PTPN13: variants seen among roughly 807,000 people sequenced by gnomAD.
The protein encoded by PTPN13 is tyrosine-protein phosphatase non-receptor type 13.
A neutral mutation model predicts 284.0 loss-of-function variants in PTPN13; 191 were observed. The observed-to-expected ratio is 0.67, with a 90% confidence interval of 0.60 to 0.76. PTPN13 has a LOEUF of 0.76. Ranked by LOEUF, PTPN13 falls within the 30% of genes least tolerant of loss-of-function variation. PTPN13 has a pLI of 0.00. For synonymous variants in PTPN13, 986 were observed against 1,022.3 expected (o/e 0.96, Z 0.68); for missense variants, 2,797 against 2,939.9 (o/e 0.95, Z 1.12).
intron 7 of PTPN13, among the ~76,000 whole-genome samples, chr4:86,704,754 C>T (rs2149023836): frequency 6.6e-6 from 1 of 152,236 alleles, no homozygotes; most frequent in South Asian, 2.1e-4. Context: ...TTTTCAAAAG[C>T]ATTTGCTCTC....
intron 1 of PTPN13, among the ~76,000 whole-genome samples, chr4:86,623,913 A>G (rs1314300791): frequency 6.6e-6 from 1 of 152,036 alleles, no homozygotes; most frequent in Non-Finnish European, 1.5e-5. Context: ...TATTCTAGTT[A>G]TTGTACTTAT....
chr4:86,693,427 G>T (rs901357102), intron 5 of PTPN13, among the ~76,000 whole-genome samples, 160 bp from the exon 6 acceptor site: 1 of 152,066 alleles, frequency 6.6e-6, no homozygotes, highest in African/African-American at 2.4e-5. Context: ...TCTTATCCAA[G>T]AATACAAATT....
chr4:86,793,689 G>A (rs753988096), intron 40 of PTPN13, among the ~76,000 whole-genome samples: 1 of 152,176 alleles, frequency 6.6e-6, no homozygotes, highest in Non-Finnish European at 1.5e-5. Flanking sequence ...TAGAACTCAG[G>A]ATTAATAAAC....
chr4:86,731,605 G>A (rs934585759), intron 10 of PTPN13, among the ~76,000 whole-genome samples: 1 of 152,148 alleles, frequency 6.6e-6, no homozygotes, highest in African/African-American at 2.4e-5. Flanking sequence ...CAAAGTAGAT[G>A]TCTTTTAACT....
At chr4:86,765,862 CTG>C (rs1739248505) in intron 26 of PTPN13, among the ~76,000 whole-genome samples, 1 of 151,672 alleles carries the variant, frequency 6.6e-6, no homozygotes, top group African/African-American at 2.4e-5. Context: ...GAGTCTCACT[CTG>C]TCACCCAGGC....
intron 21 of PTPN13, 134 bp from the exon 22 acceptor site, chr4:86,758,544 C>T: frequency 1.0e-6 from 1 of 954,956 alleles, no homozygotes; most frequent in Non-Finnish European, 1.6e-6. Flanking sequence ...GAAATACTTC[C>T]ACAAAATTTA....
At chr4:86,667,079 T>C (rs1323046018) in intron 2 of PTPN13, among the ~76,000 whole-genome samples, 2 of 152,210 alleles carry the variant, frequency 1.3e-5, no homozygotes, top group Non-Finnish European at 1.5e-5. Flanking sequence ...AGGACTTCCT[T>C]ACTCTCACTA....
In PTPN13 at chr4:86,805,305, T is replaced by C. The variant is rs1204794921; in HGVS notation, c.6681T>C (p.Asp2227=). The C allele has an allele frequency of 6.3e-7, 1 of 1,598,828 alleles. No individual in the cohort carries two copies. The highest frequency in any genetic ancestry group is 8.6e-7 in the Non-Finnish European group (1 of 1,169,224). Residue 2227 remains aspartate (D), a synonymous_variant, in exon 44 of 48, where the codon GAT becomes GAC. Transcript: ENST00000411767. ...LENLQELKPL[D]QCLIGQTKEN... ...ATCTTCAAGAATTAAAACCTTTGGA[T>C]CAGTGTCTAATTGGGCAAACTAAGG...
rs775010528 is a variant in PTPN13, at chr4:86,763,132, A to T, written c.3959A>T (p.Asp1320Val). 1 of 1,613,716 alleles carries T rather than the reference A, an allele frequency of 6.2e-7. No individual in the cohort carries two copies. The highest frequency in any genetic ancestry group is 1.7e-5 in the Admixed American group (1 of 59,978). The change falls in exon 24 of 48, where the codon GAT becomes GTT. Residue 1320 changes from aspartate to valine, a missense_variant. Coordinates refer to ENST00000411767, the MANE Select transcript of PTPN13 (RefSeq NM_080683.3). ...GTAACTGATTACTCAGACCGTGGAGATTCAGACATGGATGAAGCCACTTAC... is the reference window on the plus strand; with the variant it reads ...GTAACTGATTACTCAGACCGTGGAGTTTCAGACATGGATGAAGCCACTTAC... ...SDVTDYSDRG[D>V]SDMDEATYSS...
chr4:86,764,055 T>C (rs1272593117), intron 24 of PTPN13, among the ~76,000 whole-genome samples: 1 of 152,206 alleles, frequency 6.6e-6, no homozygotes, highest in Non-Finnish European at 1.5e-5. Flanking sequence ...TAAATAGGGC[T>C]TAGCTGTTGT....
chr4:86,620,095 T>C (rs766360198), intron 1 of PTPN13, among the ~76,000 whole-genome samples: 1 of 152,224 alleles, frequency 6.6e-6, no homozygotes, highest in Non-Finnish European at 1.5e-5. Flanking sequence ...TTAAAAAATA[T>C]TAAATAAGGA....
intron 1 of PTPN13, among the ~76,000 whole-genome samples, chr4:86,613,647 A>C (rs1032691003): frequency 4.6e-5 from 7 of 151,366 alleles, no homozygotes; most frequent in African/African-American, 7.3e-5. Flanking sequence ...AAAAAAAAAA[A>C]AAAAGAGTTT....
intron 2 of PTPN13, among the ~76,000 whole-genome samples, chr4:86,658,022 G>C (rs926486245): frequency 6.6e-6 from 1 of 152,176 alleles, no homozygotes; most frequent in African/African-American, 2.4e-5. Flanking sequence ...GTTTGCCTGA[G>C]GACTGCAGTC....
At chr4:86,728,490 G>A (rs950864829) in intron 10 of PTPN13, among the ~76,000 whole-genome samples, 1 of 147,792 alleles carries the variant, frequency 6.8e-6, no homozygotes, top group African/African-American at 2.5e-5. Context: ...TTATGAATCT[G>A]GGTGCTCCTG....
rs906526308 is a variant in PTPN13, at chr4:86,814,504, C to T, written c.7411C>T (p.Leu2471Phe). The T allele has an allele frequency of 3.1e-6, 5 of 1,612,898 alleles. No homozygotes were observed. In the African/African-American group the frequency reaches 6.7e-5, roughly 22 times the overall value. The change falls in exon 48 of 48, where the codon CTT becomes TTT. Residue 2471 changes from leucine to phenylalanine, a missense_variant. By Grantham distance (22) the Leu-to-Phe change is conservative. Transcript: ENST00000411767. ...AGTCATCCTTTATGTCCTGACACGT[C>T]TTCAAGCAGAAGAAGAGCAAAAACA... ...YQVILYVLTR[L>F]QAEEEQKQQP...
intron 10 of PTPN13, among the ~76,000 whole-genome samples, chr4:86,724,815 TTC>T (rs891368721): frequency 6.6e-6 from 1 of 151,854 alleles, no homozygotes; most frequent in African/African-American, 2.4e-5. Context: ...ACCACTTTCA[TTC>T]TTTTTTTTTT....
chr4:86,740,613 C>G (rs377533165), intron 15 of PTPN13, among the ~76,000 whole-genome samples: 2 of 152,172 alleles, frequency 1.3e-5, no homozygotes, highest in South Asian at 4.2e-4. Flanking sequence ...GAAACCTTTT[C>G]CCCATTGTCT....
intron 42 of PTPN13, among the ~76,000 whole-genome samples, chr4:86,799,751 A>G (rs1743782456): frequency 6.6e-6 from 1 of 152,042 alleles, no homozygotes; most frequent in East Asian, 1.9e-4. Context: ...AAACATGCAA[A>G]TAAATGTATA....
At chr4:86,631,178 C>G (rs1565185541) in intron 1 of PTPN13, among the ~76,000 whole-genome samples, 1 of 152,150 alleles carries the variant, frequency 6.6e-6, no homozygotes. Flanking sequence ...TTACCTAGTA[C>G]TGTGTCTAAA....
Sources: gnomAD v4.1 joint callset for allele counts (sites outside exome capture counted in the v4.1 genomes callset) on GRCh38, gnomAD v4.1.1 for gene constraint, MANE v1.5 for transcripts, NCBI Gene and HGNC (gene_info 2026-07-23, HGNC 2026-07-21) for gene names.